The following SSPN variants were observed in gnomAD, a reference collection of about 807,000 sequenced individuals.
The protein encoded by SSPN is K-ras oncogene-associated protein.
In SSPN, 15 loss-of-function variants were observed where a neutral mutation model predicts 19.1. That is an observed-to-expected ratio of 0.78 (90% CI 0.52 to 1.21). The LOEUF is 1.21. Ranked by LOEUF, SSPN falls within the 50% of genes most tolerant of loss-of-function variation. The probability of loss-of-function intolerance (pLI) is 0.00; values close to 1 mark genes in which losing one functional copy is unlikely to be tolerated. For synonymous variants in SSPN, 147 were observed against 140.3 expected, an observed-to-expected ratio of 1.05 and a Z score of -0.34; for missense variants, 291 against 314.0, an observed-to-expected ratio of 0.93 and a Z score of 0.55.
chr12:26,181,273 GA>G (rs1565679984), intron 1 of SSPN: 1 of 152,144 alleles, frequency 6.6e-6, no homozygotes. Context: ...AATACAGTTG[GA>G]AAAACTGTCA....
At position 26,123,312 on chromosome 12, in the gene SSPN, C is replaced by A; in HGVS notation, c.-31+1160C>A. On this transcript the variant is annotated intron_variant, in intron 1 of 2. Transcript: ENST00000538142. ...TTCCCCAGTATTCAAGTGATATAATCCACCAGTTGACGAGAGAAGCGGGGT... is the reference window on the plus strand; with the variant it reads ...TTCCCCAGTATTCAAGTGATATAATACACCAGTTGACGAGAGAAGCGGGGT... The A allele has an allele frequency of 1.1e-5, 13 of 1,215,772 alleles. 1 individual carries two copies. The South Asian group carries it at 2.1e-4, about 20-fold the overall frequency. 75.3% of individuals were successfully genotyped at this position (1,215,772 alleles called of 1,614,324 possible).
At chr12:26,173,827 T>C (rs1173713299) in intron 1 of SSPN, among the ~76,000 whole-genome samples, 1 of 152,218 alleles carries the variant, frequency 6.6e-6, no homozygotes, top group Admixed American at 6.5e-5. Context: ...GTTTATTACG[T>C]CAACTGTGGC....
chr12:26,128,092 G>A (rs1944377192), intron 1 of SSPN, among the ~76,000 whole-genome samples: 1 of 152,222 alleles, frequency 6.6e-6, no homozygotes, highest in Admixed American at 6.5e-5. Context: ...CAGGATTTAA[G>A]CCCAGACAGT....
chr12:26,204,595 T>TG (rs1233081062), intron 1 of SSPN, among the ~76,000 whole-genome samples: 3 of 152,164 alleles, frequency 2.0e-5, no homozygotes, highest in African/African-American at 4.8e-5. Context: ...TGCTGTCCTG[T>TG]GGGGGGTGGT....
chr12:26,219,657 A>C (rs1401177513), intron 1 of SSPN, among the ~76,000 whole-genome samples: 1 of 148,322 alleles, frequency 6.7e-6, no homozygotes, highest in African/African-American at 2.4e-5. Flanking sequence ...ACATCCAAAA[A>C]TAAAGTGATG....
At chr12:26,142,022 TA>T (rs1944463476) in intron 1 of SSPN, among the ~76,000 whole-genome samples, 1 of 152,088 alleles carries the variant, frequency 6.6e-6, no homozygotes, top group African/African-American at 2.4e-5. Flanking sequence ...AAAAGCCTGG[TA>T]AAAAGGAGCA....
chr12:26,122,609 G>GGCT (rs1413876711), intron 1 of SSPN: 3 of 1,133,042 alleles, frequency 2.6e-6, no homozygotes, highest in Non-Finnish European at 3.2e-6. Flanking sequence ...CCAGAAGCGC[G>GGCT]GCTGCCGCCG....
At position 26,152,352 on chromosome 12, in the gene SSPN, A is replaced by G. The variant is rs751812420; in HGVS notation, c.-31+30200A>G. On this transcript the variant is annotated intron_variant, in intron 1 of 2. Transcript: ENST00000538142. ...GTATAAGTAAAACAATTAGGAAGTG[A>G]TAAGTTTTAGGCATGCGTTACTTTT... 3.9e-5 allele frequency among the ~76,000 whole-genome samples: 6 copies of G among 152,348 alleles called. No homozygotes were observed. In the East Asian group the frequency reaches 5.8e-4, roughly 15 times the overall value.
intron 1 of SSPN, among the ~76,000 whole-genome samples, chr12:26,197,310 A>C (rs142437808): frequency 2.0e-5 from 3 of 152,346 alleles, no homozygotes; most frequent in African/African-American, 7.2e-5. Flanking sequence ...AGTAATTTAA[A>C]ACTTTAATTT....
intron 1 of SSPN, chr12:26,125,612 G>T (rs1239186581): frequency 6.6e-6 from 1 of 152,248 alleles, no homozygotes; most frequent in Non-Finnish European, 1.5e-5. Context: ...TGAAAACGTT[G>T]TCACTGGGTC....
At chr12:26,122,141 G>A (rs558173674) in exon 1 of SSPN, 635 of 1,548,564 alleles carry the variant, frequency 4.1e-4, no homozygotes, top group Non-Finnish European at 4.8e-4. Context: ...CGCGGGGCCC[G>A]GCGAAGGGCA....
rs769778685 is a variant in SSPN, at chr12:26,230,970, G to C, written c.626G>C (p.Cys209Ser). 2.5e-6 allele frequency: 4 copies of C among 1,614,178 alleles called. No homozygotes were observed. The South Asian group carries it at 4.4e-5, about 18-fold the overall frequency. Residue 209 changes from cysteine to serine, a missense_variant, in exon 3 of 3, where the codon TGC (cysteine) becomes TCC (serine). Cys to Ser is a moderately radical substitution (Grantham distance 112). This residue lies in a region of SSPN where 141 missense variants were observed against 166.7 expected (regional missense o/e 0.85). Transcript: ENST00000242729. ...CTTAATTTGGTCTGCGGCCTTGTGT[G>C]CTTGTTGGCCTGCTTTGTGATGTGG... ...MILNLVCGLV[C>S]LLACFVMWKH... is the part of the protein sequence containing the mutation.
chr12:26,177,729 G>A (rs112358148), intron 1 of SSPN, among the ~76,000 whole-genome samples: 1,586 of 152,194 alleles, frequency 0.01, 9 homozygotes, highest in Non-Finnish European at 0.017. Flanking sequence ...CTAGTCTGGA[G>A]ATCCTAAGTG....
In SSPN at chr12:26,195,641, G is replaced by GCTGGCCCCCCCCCCCC; in HGVS notation, c.-31_-30insTGGCCCCCCCCCCCCC. On this transcript the variant is annotated 5_prime_UTR_variant, in exon 1 of 3. Transcript: ENST00000242729. ...CTCCAGGGCCCAGGGCGCCGCACAC[G>GCTGGCCCCCCCCCCCC]CACCCACCCACCCACCCAGCCTCGC... 2 of 1,105,400 alleles carry GCTGGCCCCCCCCCCCC rather than the reference G, an allele frequency of 1.8e-6. No homozygotes were observed. The highest frequency in any genetic ancestry group is 2.3e-6 in the Non-Finnish European group (2 of 878,120). The allele number at this position is 1,105,400 out of a possible 1,614,324, so 68.5% of individuals were successfully genotyped here. A position where few individuals can be genotyped will look rare whatever the true frequency, so the allele number is the denominator to read the frequency against.
At chr12:26,219,681 T>C (rs567615975) in intron 1 of SSPN, among the ~76,000 whole-genome samples, 2 of 152,346 alleles carry the variant, frequency 1.3e-5, no homozygotes, top group African/African-American at 4.8e-5. Context: ...ACCGTCTTTC[T>C]TTTTTCCATT....
intron 1 of SSPN, chr12:26,124,256 C>CACCCCCT: frequency 2.0e-6 from 1 of 512,096 alleles, no homozygotes; most frequent in Non-Finnish European, 3.4e-6. Flanking sequence ...CTCGTCTGCC[C>CACCCCCT]CCCCCGCCCC....
Position 26,204,117 on chromosome 12 carries a change from C to G in SSPN, c.279+8166C>G, listed in dbSNP as rs944158926. Among the ~76,000 whole-genome samples, 6 of 152,248 alleles carry G rather than the reference C, an allele frequency of 3.9e-5. No homozygotes were observed. In the East Asian group the frequency reaches 5.8e-4, roughly 15 times the overall value. ...GAGGGTTATACATTTGCACAGCAACCTCAGTGACTCTTAAGCTCGTTTTAC... is the reference window on the plus strand; with the variant it reads ...GAGGGTTATACATTTGCACAGCAACGTCAGTGACTCTTAAGCTCGTTTTAC... On this transcript the variant is annotated intron_variant, in intron 1 of 2. Transcript: ENST00000242729.
At chr12:26,162,195 C>A (rs1419604620) in intron 1 of SSPN, among the ~76,000 whole-genome samples, 1 of 152,134 alleles carries the variant, frequency 6.6e-6, no homozygotes, top group Non-Finnish European at 1.5e-5. Context: ...CGAATTTGAT[C>A]ATTTTATATG....
chr12:26,130,866 T>A (rs555192390), intron 1 of SSPN, among the ~76,000 whole-genome samples: 1 of 150,556 alleles, frequency 6.6e-6, no homozygotes, highest in African/African-American at 2.5e-5. Context: ...GATGAAAGGG[T>A]GCCTGCCAAC....
Sources: allele counts gnomAD v4.1 joint callset (sites outside exome capture counted in the v4.1 genomes callset), GRCh38; gene constraint gnomAD v4.1.1; regional missense constraint gnomAD v4.1.1; transcripts MANE v1.5; gene names NCBI Gene and HGNC (gene_info 2026-07-23, HGNC 2026-07-21).